RNF150: variants seen among roughly 807,000 people sequenced by gnomAD.
RNF150 encodes the protein ring finger protein 150.
Under a neutral mutation model 39.3 loss-of-function variants are expected in RNF150, and 24 were observed. The ratio of observed to expected loss-of-function variants is 0.61; its 90% confidence interval spans 0.44 to 0.86. The LOEUF (loss-of-function observed/expected upper bound fraction) is 0.86, where lower values mean the gene tolerates loss of function less well. Ranked by LOEUF, RNF150 falls within the 40% of genes least tolerant of loss-of-function variation. The probability of loss-of-function intolerance (pLI) is 0.00; values close to 1 mark genes in which losing one functional copy is unlikely to be tolerated. For missense variants in RNF150, 502 were observed against 587.8 expected (o/e 0.85, Z 1.51); for synonymous variants, 255 against 227.3 (o/e 1.12, Z -1.10).
At chr4:141,115,227 G>A (rs1475076287) in intron 1 of RNF150, among the ~76,000 whole-genome samples, 2 of 152,160 alleles carry the variant, frequency 1.3e-5, no homozygotes, top group Non-Finnish European at 2.9e-5. Context: ...CTACATGATT[G>A]TATGTTTAGA....
chr4:141,113,769 G>A (rs1371267474), intron 1 of RNF150, among the ~76,000 whole-genome samples: 1 of 152,128 alleles, frequency 6.6e-6, no homozygotes, highest in Non-Finnish European at 1.5e-5. Context: ...ATAATTGGAA[G>A]TAAAACACTC....
intron 1 of RNF150, among the ~76,000 whole-genome samples, chr4:141,032,432 T>C (rs948481476): frequency 1.9e-4 from 29 of 152,150 alleles, no homozygotes; most frequent in African/African-American, 6.5e-4. Context: ...AGACTTTAAA[T>C]GTTCTCACCA....
intron 2 of RNF150, among the ~76,000 whole-genome samples, chr4:140,957,634 A>G (rs1222008987): frequency 1.3e-5 from 2 of 151,972 alleles, no homozygotes; most frequent in Non-Finnish European, 2.9e-5. Context: ...ACAATAGCAA[A>G]GACTTGGAAC....
intron 6 of RNF150, among the ~76,000 whole-genome samples, chr4:140,881,080 C>A (rs761104447): frequency 2.6e-5 from 4 of 151,384 alleles, no homozygotes; most frequent in African/African-American, 7.3e-5. Context: ...GTTTTCTTTT[C>A]TCTAGTTCCT....
intron 6 of RNF150, among the ~76,000 whole-genome samples, chr4:140,895,255 T>C (rs1729899133): frequency 6.6e-6 from 1 of 152,148 alleles, no homozygotes; most frequent in African/African-American, 2.4e-5. Context: ...AGTGAGTATA[T>C]TTTTCTATTT....
chr4:141,109,623 G>C (rs1739322903), intron 1 of RNF150, among the ~76,000 whole-genome samples: 1 of 152,024 alleles, frequency 6.6e-6, no homozygotes, highest in Admixed American at 6.6e-5. Flanking sequence ...AGGGAAGACA[G>C]TATACGGCAG....
At chr4:141,003,247 G>A (rs565964126) in intron 1 of RNF150, among the ~76,000 whole-genome samples, 164 of 152,210 alleles carry the variant, frequency 1.1e-3, no homozygotes, top group African/African-American at 3.8e-3. Context: ...GTACTACAAT[G>A]TGTGCTAGCT....
intron 1 of RNF150, among the ~76,000 whole-genome samples, chr4:140,973,800 C>T (rs760612548): frequency 8.0e-5 from 12 of 149,928 alleles, no homozygotes; most frequent in Non-Finnish European, 1.5e-4. Flanking sequence ...TTGCTTGAAC[C>T]TGGGAGGCAG....
At chr4:141,207,413 T>G (rs535577487) in intron 1 of RNF150, among the ~76,000 whole-genome samples, 1 of 152,038 alleles carries the variant, frequency 6.6e-6, no homozygotes, top group Non-Finnish European at 1.5e-5. Flanking sequence ...ACCCCATGAG[T>G]CTGTTCCTGG....
At chr4:140,891,664 T>A (rs1273493482) in intron 6 of RNF150, among the ~76,000 whole-genome samples, 1 of 152,134 alleles carries the variant, frequency 6.6e-6, no homozygotes, top group Admixed American at 6.5e-5. Context: ...GTTCCTTATA[T>A]AAAATGGTGT....
At chr4:141,186,070 C>T (rs1728002765) in intron 1 of RNF150, among the ~76,000 whole-genome samples, 1 of 152,200 alleles carries the variant, frequency 6.6e-6, no homozygotes, top group African/African-American at 2.4e-5. Flanking sequence ...AGGAATCCCT[C>T]TTTTTCTATT....
At chr4:141,049,562 TAAAAG>T (rs1480213739) in intron 1 of RNF150, among the ~76,000 whole-genome samples, 2 of 152,124 alleles carry the variant, frequency 1.3e-5, no homozygotes, top group African/African-American at 2.4e-5. Context: ...TTTGAATACT[TAAAAG>T]AAATATAAGT....
intron 1 of RNF150, among the ~76,000 whole-genome samples, chr4:141,162,633 G>A (rs987128373): frequency 6.6e-6 from 1 of 152,024 alleles, no homozygotes; most frequent in Non-Finnish European, 1.5e-5. Context: ...ACTGGTTAGA[G>A]AGTGGGTGCA....
chr4:141,071,203 A>C (rs1169486065), intron 1 of RNF150, among the ~76,000 whole-genome samples: 3 of 128,730 alleles, frequency 2.3e-5, no homozygotes, highest in Non-Finnish European at 4.8e-5. Context: ...GGGCACAGGA[A>C]GGGGAATATC....
intron 1 of RNF150, among the ~76,000 whole-genome samples, chr4:140,969,105 A>C (rs950904022): frequency 6.6e-6 from 1 of 152,098 alleles, no homozygotes; most frequent in African/African-American, 2.4e-5. Flanking sequence ...GTTAGATGGA[A>C]CTACCAGGTT....
intron 1 of RNF150, among the ~76,000 whole-genome samples, chr4:141,210,542 C>T (rs1219674846): frequency 6.7e-6 from 1 of 149,880 alleles, no homozygotes; most frequent in Non-Finnish European, 1.5e-5. Flanking sequence ...TTCTTACTTC[C>T]TATTAGCTAA....
intron 6 of RNF150, among the ~76,000 whole-genome samples, chr4:140,900,592 C>A (rs1578945327): frequency 2.0e-5 from 3 of 152,144 alleles, no homozygotes; most frequent in Non-Finnish European, 4.4e-5. Flanking sequence ...TTTTCATCCC[C>A]ACAGGCAGAT....
At chr4:141,118,445 A>G (rs1223178521) in intron 1 of RNF150, among the ~76,000 whole-genome samples, 2 of 152,166 alleles carry the variant, frequency 1.3e-5, no homozygotes, top group African/African-American at 4.8e-5. Context: ...ACTGCCTGCT[A>G]TTAACGGAAG....
intron 5 of RNF150, among the ~76,000 whole-genome samples, chr4:140,924,971 C>T (rs73857135): frequency 0.024 from 3,673 of 152,278 alleles, 168 homozygotes; most frequent in African/African-American, 0.082. Context: ...TAATGCATCT[C>T]TGGCATTAAA....
Sources: allele counts gnomAD v4.1 joint callset (sites outside exome capture counted in the v4.1 genomes callset), GRCh38; gene constraint gnomAD v4.1.1; transcripts MANE v1.5; gene names NCBI Gene and HGNC (gene_info 2026-07-23, HGNC 2026-07-21).